SGCD: variants seen among roughly 807,000 people sequenced by gnomAD.
SGCD encodes the protein sarcoglycan delta, also known as delta-sarcoglycan.
Under a neutral mutation model 36.6 loss-of-function variants are expected in SGCD, and 18 were observed. The ratio of observed to expected loss-of-function variants is 0.49; its 90% CI spans 0.34 to 0.73. The LOEUF (loss-of-function observed/expected upper bound fraction) is 0.73. SGCD is among the 30% of genes least tolerant of loss of function. The pLI is 0.01. For missense variants in SGCD, 387 were observed against 346.7 expected (o/e 1.12, Z -0.92); for synonymous variants, 133 against 130.6 (o/e 1.02, Z -0.12).
intron 4 of SGCD, among the ~76,000 whole-genome samples, chr5:156,555,495 T>C (rs1445352881): frequency 6.6e-6 from 1 of 152,154 alleles, no homozygotes; most frequent in Non-Finnish European, 1.5e-5. Flanking sequence ...TCCCACTGAA[T>C]GGTTTGGTAC....
intron 3 of SGCD, among the ~76,000 whole-genome samples, chr5:156,155,759 A>G (rs1398102935): frequency 6.6e-6 from 1 of 151,608 alleles, no homozygotes; most frequent in Non-Finnish European, 1.5e-5. Flanking sequence ...GAGCTTGTCG[A>G]AAGACTGACT....
At chr5:156,538,252 G>T (rs183353976) in intron 4 of SGCD, among the ~76,000 whole-genome samples, 5 of 152,098 alleles carry the variant, frequency 3.3e-5, no homozygotes, top group African/African-American at 4.8e-5. Flanking sequence ...TAAGAAAACT[G>T]CAATGAAAGG....
intron 1 of SGCD, among the ~76,000 whole-genome samples, chr5:155,936,637 A>G (rs1426115075): frequency 3.9e-5 from 6 of 152,222 alleles, no homozygotes; most frequent in Admixed American, 2.0e-4. Flanking sequence ...GCAGGCCCAG[A>G]AAAAGCACCA....
At chr5:156,205,362 A>G (rs986720064) in intron 3 of SGCD, among the ~76,000 whole-genome samples, 1 of 152,126 alleles carries the variant, frequency 6.6e-6, no homozygotes, top group African/African-American at 2.4e-5. Flanking sequence ...CAAATAAATG[A>G]AGAATTACGA....
chr5:156,374,825 C>T (rs1435067506), intron 3 of SGCD, among the ~76,000 whole-genome samples: 1 of 152,130 alleles, frequency 6.6e-6, no homozygotes, highest in African/African-American at 2.4e-5. Context: ...ACCAACACTC[C>T]AGCCGTGGTG....
At chr5:156,565,075 A>T (rs1759423583) in intron 4 of SGCD, among the ~76,000 whole-genome samples, 1 of 152,228 alleles carries the variant, frequency 6.6e-6, no homozygotes, top group South Asian at 2.1e-4. Context: ...TTAACAGGAC[A>T]GTCTCACAGT....
chr5:156,022,242 T>A (rs959354425), intron 1 of SGCD, among the ~76,000 whole-genome samples: 2 of 152,240 alleles, frequency 1.3e-5, no homozygotes, highest in African/African-American at 4.8e-5. Flanking sequence ...TATTGCCAAA[T>A]ACATTTTGGT....
intron 7 of SGCD, among the ~76,000 whole-genome samples, chr5:156,740,878 T>C (rs1376910644): frequency 6.6e-6 from 1 of 152,188 alleles, no homozygotes; most frequent in Non-Finnish European, 1.5e-5. Flanking sequence ...ACTCCCCAAG[T>C]GCAGCTGCTT....
intron 1 of SGCD, among the ~76,000 whole-genome samples, chr5:156,021,992 A>AC (rs1759114616): frequency 6.6e-6 from 1 of 151,966 alleles, no homozygotes; most frequent in Admixed American, 6.6e-5. Context: ...TATTTTCATC[A>AC]CCCCCAAAAG....
intron 3 of SGCD, among the ~76,000 whole-genome samples, chr5:156,439,909 C>G (rs541197724): frequency 6.6e-6 from 1 of 152,190 alleles, no homozygotes; most frequent in South Asian, 2.1e-4. Context: ...GCCTTTCACT[C>G]TATCTTTTGA....
intron 7 of SGCD, among the ~76,000 whole-genome samples, chr5:156,696,915 AACACACACACACACAC>A (rs57963416): frequency 0.021 from 3,085 of 145,108 alleles, 40 homozygotes; most frequent in Middle Eastern, 0.052. Context: ...CCTTACACAC[AACACACACACACACAC>A]ACACACACAC....
In SGCD at chr5:156,327,227, A is replaced by G. The variant is rs1003528847; in HGVS notation, c.-49A>G. The stretch of plus-strand genomic sequence containing the variant: ...CATCGGCCGGTTTGTGAAACGGACA[A>G]GAGAGGTAGGGTACTGTTCAGTTCT... On this transcript the variant is annotated 5_prime_UTR_variant, in exon 1 of 9. Coordinates refer to ENST00000337851, the MANE Select transcript of SGCD (RefSeq NM_000337.6). 2.0e-5 allele frequency: 3 copies of G among 152,358 alleles called. No homozygotes were observed. The highest frequency in any genetic ancestry group is 2.0e-4 in the Admixed American group (3 of 15,294). 9.4% of individuals were successfully genotyped at this position (152,358 alleles called of 1,614,324 possible). A position where few individuals can be genotyped will look rare whatever the true frequency, so the allele number is the denominator to read the frequency against.
intron 7 of SGCD, among the ~76,000 whole-genome samples, chr5:156,668,805 C>T (rs928361937): frequency 3.3e-5 from 5 of 152,028 alleles, no homozygotes; most frequent in African/African-American, 1.2e-4. Context: ...GAAATGTATG[C>T]CCTGATGATG....
At chr5:156,585,641 G>T (rs1760461016) in intron 4 of SGCD, among the ~76,000 whole-genome samples, 1 of 152,120 alleles carries the variant, frequency 6.6e-6, no homozygotes, top group South Asian at 2.1e-4. Flanking sequence ...TGCTGTGAGA[G>T]GACCCATGGA....
intron 1 of SGCD, among the ~76,000 whole-genome samples, chr5:155,883,809 A>AG (rs1427806910): frequency 6.6e-6 from 1 of 151,628 alleles, no homozygotes; most frequent in Non-Finnish European, 1.5e-5. Context: ...AAAAAAAAAA[A>AG]AAAAAGAAAA....
intron 7 of SGCD, among the ~76,000 whole-genome samples, chr5:156,684,828 G>A (rs763179082): frequency 2.6e-5 from 4 of 152,176 alleles, no homozygotes; most frequent in Non-Finnish European, 4.4e-5. Flanking sequence ...TATGGGGGAT[G>A]GTTGGGGCTT....
chr5:156,642,193 A>T (rs1356895068), intron 6 of SGCD, among the ~76,000 whole-genome samples: 12 of 152,026 alleles, frequency 7.9e-5, no homozygotes, highest in Non-Finnish European at 1.0e-4. Context: ...CCTCATCTAA[A>T]CCTAATTATT....
intron 1 of SGCD, among the ~76,000 whole-genome samples, chr5:156,095,335 C>A (rs1260777347): frequency 6.6e-6 from 1 of 152,090 alleles, no homozygotes; most frequent in African/African-American, 2.4e-5. Context: ...ATTCCAAGTC[C>A]CGGTCTATCT....
intron 3 of SGCD, among the ~76,000 whole-genome samples, chr5:156,252,578 C>T (rs924391812): frequency 2.6e-5 from 4 of 152,098 alleles, no homozygotes; most frequent in African/African-American, 9.7e-5. Context: ...GGACTGTTTA[C>T]TTGTTACTAT....
Sources: allele counts gnomAD v4.1 joint callset (sites outside exome capture counted in the v4.1 genomes callset), GRCh38; gene constraint gnomAD v4.1.1; transcripts MANE v1.5; gene names NCBI Gene and HGNC (gene_info 2026-07-23, HGNC 2026-07-21).